The following ZCCHC17 variants were observed in gnomAD, a reference collection of about 807,000 sequenced individuals.
The protein encoded by ZCCHC17 is zinc finger CCHC domain-containing protein 17.
In ZCCHC17, 18 loss-of-function variants were observed where a neutral mutation model predicts 30.6. The ratio of observed to expected loss-of-function variants is 0.59; its 90% CI spans 0.41 to 0.87. ZCCHC17 has a LOEUF of 0.87. Among genes scored for constraint, ZCCHC17 ranks in the 40% least tolerant of loss-of-function variants. ZCCHC17 has a pLI of 0.00. For missense variants in ZCCHC17, 263 were observed against 284.2 expected (o/e 0.93, Z 0.54); for synonymous variants, 88 against 92.4 (o/e 0.95, Z 0.27).
At chr1:31,361,631 A>C (rs984689071) in intron 7 of ZCCHC17, among the ~76,000 whole-genome samples, 2 of 152,178 alleles carry the variant, frequency 1.3e-5, no homozygotes, top group Non-Finnish European at 2.9e-5. Context: ...CATGTGCTAC[A>C]TAGGAAAACT....
At position 31,351,442 on chromosome 1, in the gene ZCCHC17, A is replaced by AT. The variant is rs775389922; in HGVS notation, c.564+2482dup. Among the ~76,000 whole-genome samples, 97 of 142,384 alleles carry AT rather than the reference A, an allele frequency of 6.8e-4. 1 individual carries two copies. The highest frequency in any genetic ancestry group is 5.0e-3 in the South Asian group (22 of 4,426). 93.4% of individuals were successfully genotyped at this position (142,384 alleles called of 152,430 possible). A position where few individuals can be genotyped will look rare whatever the true frequency, so the allele number is the denominator to read the frequency against. ...ATGTTTACAGGGCCTAGGTCTGGGC[A>AT]TTTTTTTTTTTTTTAAAGCACCTTT... On this transcript the variant is annotated intron_variant, in intron 7 of 7. Coordinates refer to ENST00000344147, the MANE Select transcript of ZCCHC17 (RefSeq NM_016505.4).
At chr1:31,344,253 A>G (rs1305985307) in intron 5 of ZCCHC17, among the ~76,000 whole-genome samples, 12 of 152,070 alleles carry the variant, frequency 7.9e-5, no homozygotes, top group Non-Finnish European at 1.5e-5. Flanking sequence ...GGCCTTCCAA[A>G]GTGCTGAGAG....
chr1:31,340,323 T>TTTTG (rs1638999054), intron 5 of ZCCHC17, among the ~76,000 whole-genome samples: 3 of 147,156 alleles, frequency 2.0e-5, no homozygotes, highest in Non-Finnish European at 3.0e-5. Flanking sequence ...GGGTTTTTTT[T>TTTTG]TTTTTTTTTT....
chr1:31,362,711 T>C (rs1189344667), intron 7 of ZCCHC17, among the ~76,000 whole-genome samples: 2 of 152,246 alleles, frequency 1.3e-5, no homozygotes, highest in Non-Finnish European at 2.9e-5. Flanking sequence ...AGAATAGCAG[T>C]CAGGAGTTCT....
At chr1:31,342,402 A>T (rs1362471278) in intron 5 of ZCCHC17, among the ~76,000 whole-genome samples, 2 of 152,208 alleles carry the variant, frequency 1.3e-5, no homozygotes, top group African/African-American at 4.8e-5. Context: ...CTTGTAATAA[A>T]TACTAAAAGA....
At chr1:31,317,037 T>C (rs1292766981) in intron 2 of ZCCHC17, among the ~76,000 whole-genome samples, 1 of 150,462 alleles carries the variant, frequency 6.6e-6, no homozygotes, top group Non-Finnish European at 1.5e-5. Flanking sequence ...TTTTTTTTTT[T>C]TTTTTGAGAT....
At chr1:31,301,624 A>G (rs1234488009) in intron 1 of ZCCHC17, among the ~76,000 whole-genome samples, 1 of 151,992 alleles carries the variant, frequency 6.6e-6, no homozygotes, top group African/African-American at 2.4e-5. Flanking sequence ...GTCGAGTGGT[A>G]GAATAAGTGC....
Position 31,320,988 on chromosome 1 carries a change from G to A in ZCCHC17, c.124+1822G>A, listed in dbSNP as rs192925490. On this transcript the variant is annotated intron_variant, in intron 3 of 7. Transcript: ENST00000344147. Reference sequence around the variant, plus strand: ...TATGGCCATCCTAATGGATGTGCACGGACATCTCATTGTGGTTTGAATTTC... The same window carrying A: ...TATGGCCATCCTAATGGATGTGCACAGACATCTCATTGTGGTTTGAATTTC... Among the ~76,000 whole-genome samples, 16 of 152,238 alleles carry A rather than the reference G, an allele frequency of 1.1e-4. No individual in the cohort carries two copies. In the East Asian group the frequency reaches 1.9e-3, roughly 18 times the overall value.
intron 1 of ZCCHC17, among the ~76,000 whole-genome samples, chr1:31,298,532 C>G (rs1344118759): frequency 6.6e-6 from 1 of 152,076 alleles, no homozygotes; most frequent in Admixed American, 6.5e-5. Context: ...ATTACAGGCG[C>G]CTCCACTGTG....
intron 7 of ZCCHC17, among the ~76,000 whole-genome samples, chr1:31,355,463 G>T (rs1569925693): frequency 6.6e-6 from 1 of 152,044 alleles, no homozygotes; most frequent in African/African-American, 2.4e-5. Context: ...GCCAGAACAG[G>T]AATTATTATC....
chr1:31,310,315 C>T, intron 2 of ZCCHC17, 151 bp downstream of exon 2: 1 of 648,596 alleles, frequency 1.5e-6, no homozygotes. Context: ...ATCACATGTG[C>T]CTTCTCTAAG....
chr1:31,322,933 G>C (rs1646893783), intron 3 of ZCCHC17, among the ~76,000 whole-genome samples: 1 of 152,090 alleles, frequency 6.6e-6, no homozygotes, highest in Non-Finnish European at 1.5e-5. Flanking sequence ...TGTTGGCTAG[G>C]ATGGTCTCAA....
Position 31,337,236 on chromosome 1 carries a change from T to C in ZCCHC17, c.186T>C (p.Asp62=). 1 of 1,614,012 alleles carries C rather than the reference T, an allele frequency of 6.2e-7. No homozygotes were observed. The highest frequency in any genetic ancestry group is 8.5e-7 in the Non-Finnish European group (1 of 1,179,938). The change falls in exon 4 of 8, where the codon GAT becomes GAC. Residue 62 remains aspartate, a synonymous_variant. Transcript: ENST00000344147. ...TGGATAAGCCCTCTGAGATAGTAGA[T>C]GTTGGAGATAAAGTGTGGGTGAAGC... ...CRVDKPSEIV[D]VGDKVWVKLI... is the part of the protein sequence containing the mutation.
In ZCCHC17 at chr1:31,310,230, T is replaced by C. The variant is rs113573874; in HGVS notation, c.66+66T>C. The C allele has an allele frequency of 2.2e-5, 34 of 1,548,508 alleles. 1 individual carries two copies. The highest frequency in any genetic ancestry group is 1.9e-4 in the Admixed American group (11 of 58,900). ...AAATAGATTAAGGGTGACAACTGGG[T>C]TTGTTGTTCCTGTCCACTTAAGTCT... On this transcript the variant is annotated intron_variant, in intron 2 of 7. Transcript: ENST00000344147.
chr1:31,303,000 G>C (rs898615509), intron 1 of ZCCHC17, among the ~76,000 whole-genome samples: 3 of 152,228 alleles, frequency 2.0e-5, no homozygotes, highest in African/African-American at 7.2e-5. Flanking sequence ...GCTCTTGGCC[G>C]GGTGCCATGG....
chr1:31,311,484 T>C (rs1646600066), intron 2 of ZCCHC17, among the ~76,000 whole-genome samples: 1 of 152,206 alleles, frequency 6.6e-6, no homozygotes, highest in African/African-American at 2.4e-5. Flanking sequence ...ACAAAATACC[T>C]GAGATTGGGT....
chr1:31,301,943 C>T (rs137914700), intron 1 of ZCCHC17, among the ~76,000 whole-genome samples: 1 of 152,166 alleles, frequency 6.6e-6, no homozygotes, highest in African/African-American at 2.4e-5. Context: ...TTGAAAGTGT[C>T]CCGGCCGGGT....
At chr1:31,362,250 T>A (rs1249309048) in intron 7 of ZCCHC17, among the ~76,000 whole-genome samples, 1 of 152,228 alleles carries the variant, frequency 6.6e-6, no homozygotes, top group Non-Finnish European at 1.5e-5. Flanking sequence ...GCTTCAGTGT[T>A]CTTTCCACCA....
chr1:31,314,116 C>T (rs1016458927), intron 2 of ZCCHC17, among the ~76,000 whole-genome samples: 3 of 152,162 alleles, frequency 2.0e-5, no homozygotes, highest in African/African-American at 4.8e-5. Context: ...CCACCCACCT[C>T]GGCCTCCCAA....
Sources: allele counts gnomAD v4.1 joint callset (sites outside exome capture counted in the v4.1 genomes callset), GRCh38; gene constraint gnomAD v4.1.1; transcripts MANE v1.5; gene names NCBI Gene and HGNC (gene_info 2026-07-23, HGNC 2026-07-21).